GANC: variants seen among roughly 807,000 people sequenced by gnomAD.
GANC encodes the protein glucosidase alpha, neutral C.
In GANC, 117 loss-of-function variants were observed where a neutral mutation model predicts 124.2. The ratio of observed to expected loss-of-function variants is 0.94; its 90% confidence interval spans 0.81 to 1.10. GANC has a LOEUF of 1.10. Ranked by LOEUF, GANC falls within the 50% of genes least tolerant of loss-of-function variation. The probability of loss-of-function intolerance (pLI) is 0.00; values close to 1 mark genes in which losing one functional copy is unlikely to be tolerated. For missense variants in GANC, 1,140 were observed against 1,095.0 expected (o/e 1.04, Z -0.58); for synonymous variants, 377 against 376.8 (o/e 1.00, Z -0.01).
At chr15:42,298,902 A>G (rs1380458680) in intron 6 of GANC, among the ~76,000 whole-genome samples, 3 of 152,200 alleles carry the variant, frequency 2.0e-5, no homozygotes. Context: ...ATTTTTGCAC[A>G]TTGATTTTGT....
intron 23 of GANC, 140 bp downstream of exon 23, chr15:42,351,572 G>A (rs553717468): frequency 5.2e-5 from 32 of 618,928 alleles, no homozygotes; most frequent in Admixed American, 2.3e-4. Flanking sequence ...ATACTAGTCT[G>A]TAGAATAAAT....
chr15:42,314,217 C>T, intron 10 of GANC: 1 of 744,610 alleles, frequency 1.3e-6, no homozygotes, highest in South Asian at 1.4e-5. Context: ...AGGAGTTCCT[C>T]TTTAAAGCAC....
chr15:42,327,538 CT>C, intron 13 of GANC, 96 bp downstream of exon 13: 1 of 1,001,964 alleles, frequency 1.0e-6, no homozygotes, highest in Non-Finnish European at 1.5e-6. Context: ...CATTGAGTAG[CT>C]TTTGATATAT....
intron 16 of GANC, among the ~76,000 whole-genome samples, chr15:42,339,305 A>AACACACACACACACACACACACACAC (rs60116980): frequency 8.4e-6 from 1 of 119,172 alleles, no homozygotes; most frequent in African/African-American, 3.2e-5. Context: ...ACCCCCCTCC[A>AACACACACACACACACACACACACAC]ACACACACAC....
At position 42,336,295 on chromosome 15, in the gene GANC, A is replaced by G. The variant is rs139842813; in HGVS notation, c.1742-2094A>G. On this transcript the variant is annotated intron_variant, in intron 15 of 23. Coordinates refer to ENST00000318010, the MANE Select transcript of GANC (RefSeq NM_198141.3). ...GGCACAAAAACAGGCATGTAGACCAATGGAACAGAATAGAGGGCCCAGAAA... is the reference window on the plus strand; with the variant it reads ...GGCACAAAAACAGGCATGTAGACCAGTGGAACAGAATAGAGGGCCCAGAAA... 6.6e-5 allele frequency among the ~76,000 whole-genome samples: 10 copies of G among 152,310 alleles called. No homozygotes were observed. The East Asian group carries it at 9.6e-4, about 15-fold the overall frequency.
At chr15:42,279,477 G>C (rs2051709940) in intron 3 of GANC, among the ~76,000 whole-genome samples, 1 of 152,174 alleles carries the variant, frequency 6.6e-6, no homozygotes, top group Non-Finnish European at 1.5e-5. Context: ...GGTTACCATA[G>C]TTTTTGCCTA....
chr15:42,279,780 C>T (rs913631725), intron 3 of GANC, among the ~76,000 whole-genome samples: 2 of 152,130 alleles, frequency 1.3e-5, no homozygotes, highest in African/African-American at 2.4e-5. Context: ...TGGATAATAA[C>T]GGCACCAACT....
At chr15:42,338,779 C>T (rs941540597) in intron 16 of GANC, among the ~76,000 whole-genome samples, 1 of 148,914 alleles carries the variant, frequency 6.7e-6, no homozygotes, top group African/African-American at 2.4e-5. Context: ...AACTAAGTTT[C>T]TCTTCCTGAC....
At chr15:42,338,635 G>A (rs2141072548) in intron 16 of GANC, 145 bp downstream of exon 16, 2 of 664,968 alleles carry the variant, frequency 3.0e-6, no homozygotes, top group Non-Finnish European at 2.7e-6. Context: ...GTGAAGAGGA[G>A]CGGATTAGAG....
At position 42,288,065 on chromosome 15, in the gene GANC, A is replaced by T. The variant is rs544865401; in HGVS notation, c.329+247A>T. On this transcript the variant is annotated intron_variant, in intron 4 of 23. Transcript: ENST00000318010. ...TTCATCCACCATTTGATTCATCAGG[A>T]TTTATTTAACGGGGAGAAGCAGAAC... Among the ~76,000 whole-genome samples, 7 of 152,222 alleles carry T rather than the reference A, an allele frequency of 4.6e-5. No individual in the cohort carries two copies. In the South Asian group the frequency reaches 1.5e-3, roughly 32 times the overall value.
chr15:42,298,920 G>C (rs1366603106), intron 6 of GANC, among the ~76,000 whole-genome samples: 1 of 152,188 alleles, frequency 6.6e-6, no homozygotes, highest in African/African-American at 2.4e-5. Context: ...TGTATCCTCA[G>C]ACTTTGCTGA....
chr15:42,336,986 G>C (rs577420048), intron 15 of GANC, among the ~76,000 whole-genome samples: 4 of 152,312 alleles, frequency 2.6e-5, no homozygotes, highest in African/African-American at 9.6e-5. Context: ...AAAGGTAACA[G>C]ATGCTGGCAA....
chr15:42,321,789 A>G lies in GANC; in HGVS notation c.1062A>G (p.Thr354=). The G allele has an allele frequency of 6.2e-7, 1 of 1,614,168 alleles. No homozygotes were observed. The part of the protein sequence containing the change: ...VFKQYSHLTG[T]QAMPPLFSLG... ...GTTGTCATCTCCCTCTTTTAGGCACACAAGCCATGCCCCCTCTTTTCTCTT... is the reference window on the plus strand; with the variant it reads ...GTTGTCATCTCCCTCTTTTAGGCACGCAAGCCATGCCCCCTCTTTTCTCTT... The change falls in exon 11 of 24, where the codon ACA becomes ACG. Residue 354 remains threonine, a synonymous_variant. Coordinates refer to ENST00000318010, the MANE Select transcript of GANC (RefSeq NM_198141.3).
In GANC at chr15:42,292,861, C is replaced by T. The variant is rs772522286; in HGVS notation, c.456C>T (p.Ser152=). 3 of 1,614,082 alleles carry T rather than the reference C, an allele frequency of 1.9e-6. No homozygotes were observed. Among genetic ancestry groups the T allele is most frequent in the Non-Finnish European group, 2.5e-6 (3 of 1,179,964 alleles). ...TGTCTGAAGAAGAGGTTGTGATTAG[C>T]ATAAATTCCCTGGGCCAATTATACT... ...DLVSEEEVVI[S]INSLGQLYFE... The change falls in exon 5 of 24, where the codon AGC becomes AGT. Residue 152 remains serine (S), a synonymous_variant. Transcript: ENST00000318010.
Position 42,353,205 on chromosome 15 carries a change from C to A in GANC, c.*1066C>A, listed in dbSNP as rs952649002. On this transcript the variant is annotated 3_prime_UTR_variant, in exon 24 of 24. Coordinates refer to ENST00000318010, the MANE Select transcript of GANC (RefSeq NM_198141.3). ...AGTGGCTCCCTGCTGCCTGCCACAG[C>A]ATCTGTTTTAGCAGCCTCGACTCCT... 14 of 985,886 alleles carry A rather than the reference C, an allele frequency of 1.4e-5. No homozygotes were observed. Among genetic ancestry groups the A allele is most frequent in the Non-Finnish European group, 1.7e-5 (14 of 830,096 alleles). 61.1% of individuals were successfully genotyped at this position (985,886 alleles called of 1,614,324 possible).
chr15:42,282,317 G>A (rs2051742033), intron 3 of GANC, among the ~76,000 whole-genome samples: 1 of 151,696 alleles, frequency 6.6e-6, no homozygotes, highest in Non-Finnish European at 1.5e-5. Context: ...GTGAGACTCT[G>A]TCTCAAAAAA....
intron 7 of GANC, among the ~76,000 whole-genome samples, chr15:42,307,450 C>T (rs147428912): frequency 0.011 from 1,624 of 151,482 alleles, 27 homozygotes; most frequent in African/African-American, 0.037. Context: ...GCACCTGCCT[C>T]GGCCTCCCAA....
intron 3 of GANC, among the ~76,000 whole-genome samples, 153 bp downstream of exon 3, chr15:42,278,743 C>T (rs977034189): frequency 6.6e-6 from 1 of 152,198 alleles, no homozygotes; most frequent in African/African-American, 2.4e-5. Context: ...CCTGTAATCC[C>T]AGCACTCTGG....
At chr15:42,322,164 A>T (rs1463882479) in intron 11 of GANC, 144 bp downstream of exon 11, 2 of 691,778 alleles carry the variant, frequency 2.9e-6, no homozygotes, top group East Asian at 2.8e-5. Flanking sequence ...TGTCACTGTG[A>T]TAAGAGAGAA....
Sources: gnomAD v4.1 joint callset for allele counts (sites outside exome capture counted in the v4.1 genomes callset) on GRCh38, gnomAD v4.1.1 for gene constraint, MANE v1.5 for transcripts, NCBI Gene and HGNC (gene_info 2026-07-23, HGNC 2026-07-21) for gene names.